Variants in AZIN2 observed in about 807,000 individuals in gnomAD.
AZIN2 encodes the protein antizyme inhibitor 2, also known as ODC antizyme inhibitor-2.
Under a neutral mutation model 47.8 loss-of-function variants are expected in AZIN2, and 28 were observed. The observed-to-expected ratio is 0.59, with a 90% CI of 0.43 to 0.80. AZIN2 has a LOEUF of 0.80. Among genes scored for constraint, AZIN2 ranks in the 30% least tolerant of loss-of-function variants. The pLI is 0.00. For missense variants in AZIN2, 535 were observed against 582.5 expected (o/e 0.92, Z 0.84); for synonymous variants, 221 against 239.4 (o/e 0.92, Z 0.71).
chr1:33,130,872 T>C, the AZIN2 span, among the ~76,000 whole-genome samples: 1 of 152,066 alleles, frequency 6.6e-6, no homozygotes, highest in Non-Finnish European at 1.5e-5. Context: ...GAGCAGAAGA[T>C]GAATTTGAGA....
At chr1:33,141,250 C>T in the AZIN2 span, among the ~76,000 whole-genome samples, 1 of 151,998 alleles carries the variant, frequency 6.6e-6, no homozygotes, top group East Asian at 1.9e-4. Context: ...GATGTGGGAC[C>T]CTTCTCCTCT....
intron 4 of AZIN2, 76 bp downstream of exon 4, chr1:33,082,430 G>A: frequency 9.8e-7 from 1 of 1,022,412 alleles, no homozygotes; most frequent in Non-Finnish European, 1.4e-6. Context: ...GGTCCCTAGG[G>A]CCCTCATCTT....
chr1:33,159,677 G>T, the AZIN2 span: 1 of 1,600,872 alleles, frequency 6.2e-7, no homozygotes, highest in Non-Finnish European at 8.5e-7. This position sits in a 1 kb window ranked among gnomAD's most constrained non-coding sequence, Gnocchi z 4.2. Context: ...GCCCCGGCGG[G>T]TGGCACTTAC....
chr1:33,103,064 A>G (rs571431603), intron 10 of AZIN2, among the ~76,000 whole-genome samples: 1 of 152,138 alleles, frequency 6.6e-6, no homozygotes, highest in East Asian at 1.9e-4. Context: ...AATGCAAGCC[A>G]CCATTGCCTC....
At chr1:33,149,516 G>A in the AZIN2 span, among the ~76,000 whole-genome samples, 1 of 152,048 alleles carries the variant, frequency 6.6e-6, no homozygotes, top group Non-Finnish European at 1.5e-5. Flanking sequence ...GTGCAGTAGT[G>A]TCATCATAGC....
At position 33,089,533 on chromosome 1, in the gene AZIN2, C is replaced by T. The variant is rs981528619; in HGVS notation, c.280-2517C>T. 7.9e-5 allele frequency among the ~76,000 whole-genome samples: 12 copies of T among 152,206 alleles called. 1 individual carries two copies. The highest frequency in any genetic ancestry group is 1.9e-4 in the East Asian group (1 of 5,200). The stretch of plus-strand genomic sequence containing the variant: ...AACACTGCTTCTTCCTCTCACCTCA[C>T]GTGGTGAGGCAGGGAACAAAAACAC... On this transcript the variant is annotated intron_variant, in intron 5 of 11. Transcript: ENST00000294517.
At chr1:33,131,633 ATAAT>A in the AZIN2 span, among the ~76,000 whole-genome samples, 553 of 152,214 alleles carry the variant, frequency 3.6e-3, 6 homozygotes, top group African/African-American at 0.013. Flanking sequence ...AATAAAATAA[ATAAT>A]TAAAATATAT....
chr1:33,139,979 T>A, the AZIN2 span, among the ~76,000 whole-genome samples: 2 of 152,168 alleles, frequency 1.3e-5, no homozygotes, highest in African/African-American at 4.8e-5. Context: ...GCATAGGTTG[T>A]AGACAGGGAG....
intron 8 of AZIN2, among the ~76,000 whole-genome samples, chr1:33,095,661 G>A (rs868028845): frequency 6.6e-6 from 1 of 151,872 alleles, no homozygotes; most frequent in East Asian, 1.9e-4. Context: ...CAGAGCTTAG[G>A]AGCACCGACC....
At chr1:33,107,910 T>C (rs1644094933) in intron 10 of AZIN2, among the ~76,000 whole-genome samples, 1 of 152,130 alleles carries the variant, frequency 6.6e-6, no homozygotes, top group Non-Finnish European at 1.5e-5. Context: ...CCCAAAGCGA[T>C]CCATAGATTC....
At chr1:33,112,577 A>G (rs1644334886) in intron 10 of AZIN2, among the ~76,000 whole-genome samples, 1 of 152,208 alleles carries the variant, frequency 6.6e-6, no homozygotes, top group Non-Finnish European at 1.5e-5. Context: ...GGTTACCTCT[A>G]AAGAGGTTAG....
the AZIN2 span, among the ~76,000 whole-genome samples, chr1:33,160,673 G>A: frequency 6.6e-6 from 1 of 152,104 alleles, no homozygotes; most frequent in African/African-American, 2.4e-5. Flanking sequence ...CCAAAGTGCT[G>A]GGATTACAGG....
chr1:33,084,891 C>T (rs1569871879), intron 5 of AZIN2, among the ~76,000 whole-genome samples: 1 of 152,156 alleles, frequency 6.6e-6, no homozygotes, highest in Non-Finnish European at 1.5e-5. Flanking sequence ...TGAGCCACCG[C>T]GCATAGCCAC....
chr1:33,091,649 G>A (rs1472752497), intron 5 of AZIN2, among the ~76,000 whole-genome samples: 3 of 152,176 alleles, frequency 2.0e-5, no homozygotes, highest in Non-Finnish European at 4.4e-5. Flanking sequence ...GGGCTACCAT[G>A]AGTCCATATA....
intron 5 of AZIN2, among the ~76,000 whole-genome samples, chr1:33,090,835 A>C (rs1190017292): frequency 6.6e-6 from 1 of 152,028 alleles, no homozygotes; most frequent in African/African-American, 2.4e-5. Flanking sequence ...CCTTTGACCA[A>C]CTTCTTCCCA....
chr1:33,165,311 C>T, the AZIN2 span: 1 of 610,618 alleles, frequency 1.6e-6, no homozygotes, highest in Non-Finnish European at 2.8e-6. The surrounding 1 kb of genome is among the most constrained non-coding windows in gnomAD (Gnocchi z 4.0). Context: ...GATGCCCTAC[C>T]CTCTTCCCCA....
the AZIN2 span, among the ~76,000 whole-genome samples, chr1:33,131,188 T>C: frequency 6.6e-6 from 1 of 152,220 alleles, no homozygotes; most frequent in South Asian, 2.1e-4. Context: ...TTTCCTGAGT[T>C]TGATTTACTT....
intron 10 of AZIN2, among the ~76,000 whole-genome samples, chr1:33,112,483 AAAACT>A (rs1311767161): frequency 6.6e-6 from 1 of 152,206 alleles, no homozygotes; most frequent in African/African-American, 2.4e-5. Context: ...AAAAGTGTGC[AAAACT>A]AAACAATACA....
At chr1:33,151,468 TAGGGCTAAC>T in the AZIN2 span, among the ~76,000 whole-genome samples, 29 of 152,114 alleles carry the variant, frequency 1.9e-4, no homozygotes, top group African/African-American at 6.3e-4. Context: ...TCCCCGAGGC[TAGGGCTAAC>T]AGGAGTAACA....
Sources: gnomAD v4.1 joint callset for allele counts (sites outside exome capture counted in the v4.1 genomes callset) on GRCh38, gnomAD v4.1.1 for gene constraint, Gnocchi (gnomAD v3.1) non-coding constraint, MANE v1.5 for transcripts, NCBI Gene and HGNC (gene_info 2026-07-23, HGNC 2026-07-21) for gene names.